Variants in LINGO1 observed in about 807,000 individuals in gnomAD.
LINGO1 encodes the protein leucine-rich repeat and immunoglobulin-like domain-containing nogo receptor-interacting protein 1.
LINGO1 carries 11 observed loss-of-function variants against 37.3 expected under a neutral mutation model. That is an observed-to-expected ratio of 0.29 (90% confidence interval 0.19 to 0.49). LINGO1 has a LOEUF of 0.49. LINGO1 is among the 20% of genes least tolerant of loss of function. The pLI, the probability that LINGO1 is intolerant of heterozygous loss-of-function variation, is 0.99. For synonymous variants in LINGO1, 387 were observed against 403.0 expected (o/e 0.96, Z 0.48); for missense variants, 585 against 878.2 (o/e 0.67, Z 4.22).
chr15:77,804,144 C>T (rs2076940730), intron 1 of LINGO1, among the ~76,000 whole-genome samples: 1 of 152,104 alleles, frequency 6.6e-6, no homozygotes, highest in African/African-American at 2.4e-5. Context: ...CAAAACTGCA[C>T]AAAACTGGCT....
intron 1 of LINGO1, among the ~76,000 whole-genome samples, chr15:77,694,382 C>T (rs2141257833): frequency 6.6e-6 from 1 of 152,244 alleles, no homozygotes; most frequent in Non-Finnish European, 1.5e-5. Flanking sequence ...CCCAGGGTTC[C>T]ACAGCACATC....
intron 3 of LINGO1, among the ~76,000 whole-genome samples, chr15:77,660,575 G>A (rs2074968739): frequency 6.6e-6 from 1 of 152,230 alleles, no homozygotes; most frequent in Non-Finnish European, 1.5e-5. Flanking sequence ...CCCTGGAGGA[G>A]GGAGAAGTTT....
intron 3 of LINGO1, among the ~76,000 whole-genome samples, chr15:77,656,727 G>T (rs767299133): frequency 6.6e-6 from 1 of 152,162 alleles, no homozygotes; most frequent in African/African-American, 2.4e-5. Flanking sequence ...CCCCCAGTGT[G>T]TTAGGCACCC....
At chr15:77,796,748 G>T (rs1008611343) in intron 1 of LINGO1, among the ~76,000 whole-genome samples, 1 of 147,036 alleles carries the variant, frequency 6.8e-6, no homozygotes, top group Non-Finnish European at 1.5e-5. Context: ...GTCTTGCTCT[G>T]CCACCCAGCC....
intron 2 of LINGO1, among the ~76,000 whole-genome samples, chr15:77,710,985 G>A (rs78667233): frequency 0.025 from 3,786 of 152,308 alleles, 403 homozygotes; most frequent in Admixed American, 0.2. Flanking sequence ...CAGCCCGCAC[G>A]GCCTTGCTTT....
chr15:77,720,098 A>ACCCC (rs1567545869), intron 2 of LINGO1, among the ~76,000 whole-genome samples: 1 of 145,690 alleles, frequency 6.9e-6, no homozygotes, highest in East Asian at 2.2e-4. Flanking sequence ...ACACACCACC[A>ACCCC]CCCCCTTGGC....
chr15:77,752,047 G>A (rs747258542), intron 1 of LINGO1, among the ~76,000 whole-genome samples: 3 of 152,220 alleles, frequency 2.0e-5, no homozygotes, highest in African/African-American at 4.8e-5. Context: ...AGGCCATGAG[G>A]CCTGCAAGTG....
chr15:77,798,035 A>G (rs572819964), intron 1 of LINGO1, among the ~76,000 whole-genome samples: 1 of 152,304 alleles, frequency 6.6e-6, no homozygotes, highest in Admixed American at 6.5e-5. Context: ...CAACAGAGCC[A>G]CAAAGCAGCC....
chr15:77,720,684 A>AT lies in LINGO1; in HGVS notation c.-195+14307dup, dbSNP rs113231472. 1.9e-3 allele frequency: 280 copies of AT among 148,462 alleles called. 2 individuals carry two copies. The East Asian group carries it at 0.023, about 12-fold the overall frequency. The allele number at this position is 148,462 out of a possible 1,614,324, so 9.2% of individuals were successfully genotyped here. A position where few individuals can be genotyped will look rare whatever the true frequency, so the allele number is the denominator to read the frequency against. ...CAGTCATAATTAAGTCAAGCAAGCT[A>AT]TTTTTTTTTTTCTTGAGCTCCCTTC... is the stretch of plus-strand genomic sequence containing the variant. On this transcript the variant is annotated intron_variant, in intron 2 of 3. Coordinates refer to the LINGO1 transcript ENST00000561686.
chr15:77,762,287 T>C (rs767274441), intron 1 of LINGO1, among the ~76,000 whole-genome samples: 11 of 152,318 alleles, frequency 7.2e-5, no homozygotes, highest in African/African-American at 2.4e-4. Flanking sequence ...GGTGGGGCCA[T>C]GGTACACACC....
At chr15:77,696,783 C>T (rs1314088720), upstream of LINGO1, among the ~76,000 whole-genome samples, 1 of 152,250 alleles carries the variant, frequency 6.6e-6, no homozygotes, top group Non-Finnish European at 1.5e-5. Flanking sequence ...GAACCGACCC[C>T]TCTTCATCTT....
Position 77,614,728 on chromosome 15 carries a change from C to A in LINGO1, c.1179G>T (p.Gln393His). ...RRWRLNFNRQ[Q>H]PTCATPEFVQ... The stretch of plus-strand genomic sequence containing the variant: ...CAAACTCGGGCGTGGCGCACGTGGG[C>A]TGCTGCCGGTTGAAGTTGAGCCGCC... Residue 393 changes from glutamine (Q) to histidine (H), a missense_variant, in exon 2 of 2, where the codon CAG becomes CAT. By Grantham distance (24) the Gln-to-His change is conservative (BLOSUM62 0). Transcript: ENST00000355300. 6.2e-7 allele frequency: 1 copy of A among 1,606,746 alleles called. No homozygotes were observed. Among genetic ancestry groups the A allele is most frequent in the South Asian group, 1.1e-5 (1 of 89,954 alleles).
chr15:77,819,801 C>T (rs577807521), intron 1 of LINGO1, among the ~76,000 whole-genome samples: 135 of 151,290 alleles, frequency 8.9e-4, no homozygotes, highest in Middle Eastern at 3.4e-3. Flanking sequence ...GCGCTCCCAG[C>T]CCGAACCTGG....
intron 3 of LINGO1, among the ~76,000 whole-genome samples, chr15:77,666,314 G>A (rs1366850896): frequency 1.3e-5 from 2 of 152,336 alleles, no homozygotes; most frequent in Non-Finnish European, 2.9e-5. Flanking sequence ...CCCTGGTGGA[G>A]GACCTGTTGT....
chr15:77,659,303 T>C (rs2074935975), intron 3 of LINGO1, among the ~76,000 whole-genome samples: 1 of 152,100 alleles, frequency 6.6e-6, no homozygotes, highest in Non-Finnish European at 1.5e-5. Flanking sequence ...AGTCCTGTCA[T>C]CTTCCAAGAC....
At chr15:77,693,769 G>T (rs1416055940) in intron 1 of LINGO1, among the ~76,000 whole-genome samples, 1 of 152,166 alleles carries the variant, frequency 6.6e-6, no homozygotes, top group East Asian at 1.9e-4. Context: ...GGCAGAACCA[G>T]CTGGCTGATC....
intron 1 of LINGO1, among the ~76,000 whole-genome samples, chr15:77,798,197 A>G (rs1052627251): frequency 1.3e-5 from 2 of 152,216 alleles, no homozygotes; most frequent in Admixed American, 1.3e-4. Flanking sequence ...ACACAGGGGT[A>G]GCAGAGCCTG....
Position 77,704,357 on chromosome 15 carries a change from A to G in LINGO1, c.-194-13456T>C, listed in dbSNP as rs543063074. On this transcript the variant is annotated intron_variant, in intron 2 of 3. Transcript: ENST00000561686. ...GAGCTCCAACCATGGCCACACATTAAGCCCCGACGCTGGTCACATACTGAA... is the reference window on the plus strand; with the variant it reads ...GAGCTCCAACCATGGCCACACATTAGGCCCCGACGCTGGTCACATACTGAA... Among the ~76,000 whole-genome samples, 436 of 151,588 alleles carry G rather than the reference A, an allele frequency of 2.9e-3. 5 individuals are homozygous for G. Among genetic ancestry groups the G allele is most frequent in the African/African-American group, 0.01 (421 of 40,882 alleles).
chr15:77,702,579 G>T (rs1375498220), intron 2 of LINGO1, among the ~76,000 whole-genome samples: 3 of 152,184 alleles, frequency 2.0e-5, no homozygotes, highest in African/African-American at 7.2e-5. Context: ...CGTGATGCAG[G>T]TATCAGTATT....
Sources: allele counts gnomAD v4.1 joint callset (sites outside exome capture counted in the v4.1 genomes callset), GRCh38; gene constraint gnomAD v4.1.1; transcripts MANE v1.5; gene names NCBI Gene and HGNC (gene_info 2026-07-23, HGNC 2026-07-21).